Variants in ADH5 observed in about 807,000 individuals in gnomAD.
ADH5 encodes alcohol dehydrogenase class-3.
Under a neutral mutation model 40.3 loss-of-function variants are expected in ADH5, and 32 were observed. The ratio of observed to expected loss-of-function variants is 0.79; its 90% CI spans 0.60 to 1.07. The LOEUF is 1.07. Among genes scored for constraint, ADH5 ranks in the 50% least tolerant of loss-of-function variants. The pLI, the probability that ADH5 is intolerant of heterozygous loss-of-function variation, is 0.00. For missense variants in ADH5, 353 were observed against 460.5 expected, an observed-to-expected ratio of 0.77 and a Z score of 2.14; for synonymous variants, 125 against 154.3, an observed-to-expected ratio of 0.81 and a Z score of 1.41.
In ADH5 at chr4:99,087,940, T is replaced by C. The variant is rs78260545; in HGVS notation, c.12+749A>G. Among the ~76,000 whole-genome samples, 74 of 152,336 alleles carry C rather than the reference T, an allele frequency of 4.9e-4. 1 individual carries two copies. Among genetic ancestry groups the C allele is most frequent in the African/African-American group, 1.8e-3 (73 of 41,578 alleles). On this transcript the variant is annotated intron_variant, in intron 1 of 8. Coordinates refer to ENST00000296412, the MANE Select transcript of ADH5 (RefSeq NM_000671.4). ...AAAACATTAAAATAATCAGCAACTT[T>C]AGACTGAGTATGTTATTCGTAATTT...
intron 1 of ADH5, among the ~76,000 whole-genome samples, chr4:99,087,217 C>T (rs1316927525): frequency 6.6e-6 from 1 of 152,026 alleles, no homozygotes; most frequent in Non-Finnish European, 1.5e-5. Context: ...AACCCCGTCT[C>T]TACTAAAAAT....
At chr4:99,075,671 G>C (rs1727911202) in intron 6 of ADH5, 1 of 152,280 alleles carries the variant, frequency 6.6e-6, no homozygotes, top group African/African-American at 2.4e-5. Context: ...TACTTTTACT[G>C]AGTGTCTATG....
intron 4 of ADH5, among the ~76,000 whole-genome samples, chr4:99,077,904 A>G (rs1352192242): frequency 2.0e-5 from 3 of 152,074 alleles, no homozygotes; most frequent in Admixed American, 6.5e-5. Flanking sequence ...TGAGCAAGTT[A>G]ATTAATCTTT....
At chr4:99,081,335 G>GT in intron 4 of ADH5, 30 bp downstream of exon 4, 11 of 1,389,816 alleles carry the variant, frequency 7.9e-6, no homozygotes, top group Non-Finnish European at 1.1e-5. Context: ...CAGCACTTGT[G>GT]TTTTAAGAAG....
chr4:99,072,486 G>A (rs1212358754), intron 8 of ADH5, 45 bp from the exon 9 acceptor site: 2 of 1,609,998 alleles, frequency 1.2e-6, no homozygotes, highest in African/African-American at 2.7e-5. Flanking sequence ...ATACCTTTAA[G>A]ACAACTAAAA....
chr4:99,075,213 ATTTT>A, intron 6 of ADH5, 164 bp from the exon 7 acceptor site: 1 of 467,616 alleles, frequency 2.1e-6, no homozygotes, highest in Non-Finnish European at 3.2e-6. Flanking sequence ...TTATATTTTA[ATTTT>A]TTTTGTTGTT....
At chr4:99,083,065 C>T (rs1462468211) in intron 2 of ADH5, among the ~76,000 whole-genome samples, 1 of 152,150 alleles carries the variant, frequency 6.6e-6, no homozygotes, top group Non-Finnish European at 1.5e-5. Context: ...GCTTATATAT[C>T]CACTTACAAC....
In ADH5 at chr4:99,088,739, G is replaced by C. The variant is rs771163901; in HGVS notation, c.-39C>G. 2 of 1,601,900 alleles carry C rather than the reference G, an allele frequency of 1.2e-6. No individual in the cohort carries two copies. Among genetic ancestry groups the C allele is most frequent in the Middle Eastern group, 3.3e-4 (2 of 5,998 alleles). Reference sequence around the variant, plus strand: ...GGTCGGCGCGGGGGGCTGACATCCGGGGTGGGCCGCGCAGCGACGGAGGCA... The same window carrying C: ...GGTCGGCGCGGGGGGCTGACATCCGCGGTGGGCCGCGCAGCGACGGAGGCA... On this transcript the variant is annotated 5_prime_UTR_variant, in exon 1 of 9. Transcript: ENST00000296412.
Position 99,071,775 on chromosome 4 carries a change from C to T in ADH5, c.*642G>A, listed in dbSNP as rs1727838810. ...GATATTCAGTATGTAGTTCACTATA[C>T]TAGAAATAGTACAGTCACAACCAAC... On this transcript the variant is annotated 3_prime_UTR_variant, in exon 9 of 9. Coordinates refer to ENST00000296412, the MANE Select transcript of ADH5 (RefSeq NM_000671.4). The T allele has an allele frequency of 6.6e-6, 1 of 152,132 alleles. No individual in the cohort carries two copies. The highest frequency in any genetic ancestry group is 2.1e-4 in the South Asian group (1 of 4,830). 9.4% of individuals were successfully genotyped at this position (152,132 alleles called of 1,614,324 possible).
At chr4:99,080,891 A>C (rs1178932899) in intron 4 of ADH5, among the ~76,000 whole-genome samples, 2 of 152,224 alleles carry the variant, frequency 1.3e-5, no homozygotes, top group Non-Finnish European at 2.9e-5. Flanking sequence ...GCAAAAACTC[A>C]GTTGTATGTA....
intron 4 of ADH5, chr4:99,079,846 C>T (rs1201337732): frequency 1.7e-5 from 6 of 363,374 alleles, no homozygotes; most frequent in Middle Eastern, 3.8e-4. Flanking sequence ...AAAATGATTT[C>T]GTTTAATCTC....
intron 2 of ADH5, among the ~76,000 whole-genome samples, chr4:99,083,741 C>A (rs557931442): frequency 5.3e-4 from 80 of 151,986 alleles, no homozygotes; most frequent in Non-Finnish European, 1.1e-3. Flanking sequence ...GAAGTATACT[C>A]CAAGTCACAG....
chr4:99,082,693 T>G (rs28730590), intron 2 of ADH5, among the ~76,000 whole-genome samples: 5,522 of 152,186 alleles, frequency 0.036, 336 homozygotes, highest in African/African-American at 0.13. Context: ...TATTTTTTTT[T>G]GGGACAAGAG....
chr4:99,086,769 T>C (rs28730571), intron 1 of ADH5, among the ~76,000 whole-genome samples: 3,181 of 146,506 alleles, frequency 0.022, 91 homozygotes, highest in African/African-American at 0.078. Flanking sequence ...TGAAACCCCG[T>C]CTCTACTAAA....
intron 6 of ADH5, 68 bp downstream of exon 6, chr4:99,076,224 T>G: frequency 6.5e-7 from 1 of 1,540,774 alleles, no homozygotes; most frequent in Non-Finnish European, 8.8e-7. Flanking sequence ...CAAAACAATT[T>G]TTAATCTAAA....
Position 99,071,155 on chromosome 4 carries a change from G to GA in ADH5, c.*1261dup, listed in dbSNP as rs1200982903. 1 of 152,200 alleles carries GA rather than the reference G, an allele frequency of 6.6e-6. No homozygotes were observed. The highest frequency in any genetic ancestry group is 6.5e-5 in the Admixed American group (1 of 15,278). 9.4% of individuals were successfully genotyped at this position (152,200 alleles called of 1,614,324 possible). On this transcript the variant is annotated 3_prime_UTR_variant, in exon 9 of 9. Coordinates refer to ENST00000296412, the MANE Select transcript of ADH5 (RefSeq NM_000671.4). ...TAATTCAATACAAAGTTGAGCACAG[G>GA]ATATGAACAGGTTCTTCACAATAAA...
chr4:99,083,547 C>A (rs1728069396), intron 2 of ADH5, among the ~76,000 whole-genome samples: 1 of 143,406 alleles, frequency 7.0e-6, no homozygotes, highest in African/African-American at 2.6e-5. Flanking sequence ...TTGCAGCGAG[C>A]CGAGATCGCA....
At chr4:99,081,566 G>A (rs1404666125) in intron 3 of ADH5, 114 bp from the exon 4 acceptor site, 1 of 733,866 alleles carries the variant, frequency 1.4e-6, no homozygotes, top group African/African-American at 1.8e-5. Context: ...AAAACTTCAA[G>A]TCTTAGAACT....
Position 99,088,712 on chromosome 4 carries a change from C to T in ADH5, c.-12G>A. On this transcript the variant is annotated 5_prime_UTR_variant, in exon 1 of 9. Coordinates refer to ENST00000296412, the MANE Select transcript of ADH5 (RefSeq NM_000671.4). ...ACCTCGTTCGCCATGTTCACGGATT[C>T]TGGTCGGCGCGGGGGGCTGACATCC... 6.6e-7 allele frequency: 1 copy of T among 1,526,030 alleles called. No homozygotes were observed. Among genetic ancestry groups the T allele is most frequent in the African/African-American group, 1.4e-5 (1 of 72,456 alleles). The allele number at this position is 1,526,030 out of a possible 1,614,324, so 94.5% of individuals were successfully genotyped here.
Sources: allele counts gnomAD v4.1 joint callset (sites outside exome capture counted in the v4.1 genomes callset), GRCh38; gene constraint gnomAD v4.1.1; transcripts MANE v1.5; gene names NCBI Gene and HGNC (gene_info 2026-07-23, HGNC 2026-07-21).